Variants in SMYD3 observed in about 807,000 individuals in gnomAD.
SMYD3 encodes the protein SET and MYND domain containing 3.
SMYD3 carries 36 observed loss-of-function variants against 57.7 expected under a neutral mutation model. The ratio of observed to expected loss-of-function variants is 0.62; its 90% CI spans 0.48 to 0.82. The LOEUF (loss-of-function observed/expected upper bound fraction) is 0.82, where lower values mean the gene tolerates loss of function less well. SMYD3 is among the 40% of genes least tolerant of loss of function. The pLI, the probability that SMYD3 is intolerant of heterozygous loss-of-function variation, is 0.00. For synonymous variants in SMYD3, 211 were observed against 195.0 expected, an observed-to-expected ratio of 1.08 and a Z score of -0.68; for missense variants, 515 against 538.8, an observed-to-expected ratio of 0.96 and a Z score of 0.44.
At chr1:246,418,604 T>A (rs1490111190) in intron 1 of SMYD3, among the ~76,000 whole-genome samples, 1 of 152,190 alleles carries the variant, frequency 6.6e-6, no homozygotes, top group Non-Finnish European at 1.5e-5. Context: ...AAGAATCAGA[T>A]CACATGTAGG....
At chr1:246,401,965 GC>G (rs2102969611) in intron 1 of SMYD3, among the ~76,000 whole-genome samples, 1 of 152,194 alleles carries the variant, frequency 6.6e-6, no homozygotes, top group East Asian at 1.9e-4. Flanking sequence ...CAGGTGATCC[GC>G]CCATCCCAGC....
At chr1:245,847,386 ACT>A (rs1229158311) in intron 10 of SMYD3, among the ~76,000 whole-genome samples, 1 of 152,024 alleles carries the variant, frequency 6.6e-6, no homozygotes, top group Non-Finnish European at 1.5e-5. Flanking sequence ...GTTTCTGAAA[ACT>A]CTATATGAAC....
intron 5 of SMYD3, among the ~76,000 whole-genome samples, chr1:246,079,898 T>A (rs34626667): frequency 6.6e-6 from 1 of 152,040 alleles, no homozygotes. Flanking sequence ...CTCTAATAAC[T>A]CACGATAGAG....
At chr1:245,870,690 G>A (rs2052138353) in intron 8 of SMYD3, among the ~76,000 whole-genome samples, 1 of 152,226 alleles carries the variant, frequency 6.6e-6, no homozygotes, top group Non-Finnish European at 1.5e-5. Flanking sequence ...CTTCCTTTGG[G>A]TTTCGGAGTG....
At position 246,507,249 on chromosome 1, in the gene SMYD3, C is replaced by A. The variant is rs1457485526; in HGVS notation, c.-32G>T. ...GCAGCTCCGGCACCTCAGACGGCTACCCGCGTCCAGCAGCGGGCGTCTCAC... is the reference window on the plus strand; with the variant it reads ...GCAGCTCCGGCACCTCAGACGGCTAACCGCGTCCAGCAGCGGGCGTCTCAC... On this transcript the variant is annotated 5_prime_UTR_variant, in exon 1 of 12. Transcript: ENST00000490107. 4.1e-6 allele frequency: 6 copies of A among 1,471,140 alleles called. No individual in the cohort carries two copies. In the Admixed American group the frequency reaches 9.5e-5, roughly 23 times the overall value. The allele number at this position is 1,471,140 out of a possible 1,614,324, so 91.1% of individuals were successfully genotyped here.
At chr1:246,216,366 G>A (rs888181900) in intron 5 of SMYD3, among the ~76,000 whole-genome samples, 8 of 151,374 alleles carry the variant, frequency 5.3e-5, no homozygotes, top group African/African-American at 1.9e-4. Flanking sequence ...ACAATATGGT[G>A]ACCCCAACAA....
chr1:246,476,008 T>C (rs1433979595), intron 1 of SMYD3, among the ~76,000 whole-genome samples: 1 of 152,330 alleles, frequency 6.6e-6, no homozygotes, highest in Non-Finnish European at 1.5e-5. Context: ...CTATGACAGG[T>C]AATATAGAAA....
chr1:246,263,208 A>T (rs1014619277), intron 5 of SMYD3, among the ~76,000 whole-genome samples: 2 of 152,174 alleles, frequency 1.3e-5, no homozygotes, highest in Non-Finnish European at 1.5e-5. Flanking sequence ...TAGCTCTGCC[A>T]TTTACTAGCT....
intron 1 of SMYD3, among the ~76,000 whole-genome samples, chr1:246,448,303 C>T (rs554972751): frequency 1.2e-4 from 19 of 152,344 alleles, no homozygotes; most frequent in Admixed American, 7.2e-4. Context: ...TGAGAACCAA[C>T]GCACAGAGAC....
At chr1:246,350,684 G>A (rs1159505300) in intron 2 of SMYD3, among the ~76,000 whole-genome samples, 3 of 152,046 alleles carry the variant, frequency 2.0e-5, no homozygotes, top group South Asian at 2.1e-4. Flanking sequence ...CACCAGAGAC[G>A]CCTGTGCAAC....
intron 5 of SMYD3, among the ~76,000 whole-genome samples, chr1:246,292,434 A>C (rs1196653347): frequency 1.3e-5 from 2 of 152,206 alleles, no homozygotes; most frequent in Non-Finnish European, 2.9e-5. Context: ...CCAGTACCTT[A>C]GACTTACTAT....
chr1:246,055,365 AG>A (rs1256296438), intron 5 of SMYD3, among the ~76,000 whole-genome samples: 3 of 152,178 alleles, frequency 2.0e-5, no homozygotes, highest in Non-Finnish European at 4.4e-5. Flanking sequence ...CTGCAGGCTG[AG>A]GCAGGAGACT....
At chr1:246,206,413 A>G (rs2063000461) in intron 5 of SMYD3, among the ~76,000 whole-genome samples, 1 of 152,116 alleles carries the variant, frequency 6.6e-6, no homozygotes, top group Non-Finnish European at 1.5e-5. Flanking sequence ...CTTGTAATAA[A>G]GAGGTATTTA....
intron 1 of SMYD3, among the ~76,000 whole-genome samples, chr1:246,446,524 A>G (rs2067553138): frequency 6.6e-6 from 1 of 152,220 alleles, no homozygotes; most frequent in African/African-American, 2.4e-5. Context: ...GAGATATTAG[A>G]GGTGCTGTTT....
chr1:246,253,297 T>C (rs554344345), intron 5 of SMYD3, among the ~76,000 whole-genome samples: 1 of 152,322 alleles, frequency 6.6e-6, no homozygotes, highest in East Asian at 1.9e-4. Context: ...CAGTCCTCAG[T>C]TTCTGCTGTT....
At chr1:246,250,579 A>G (rs2063782927) in intron 5 of SMYD3, among the ~76,000 whole-genome samples, 1 of 152,226 alleles carries the variant, frequency 6.6e-6, no homozygotes, top group Non-Finnish European at 1.5e-5. Context: ...AACACTGCCA[A>G]AATGGTAGCA....
rs558480037 is a variant in SMYD3 at position 245,964,077 on chromosome 1, C to T, written c.532-34140G>A. 5.9e-5 allele frequency among the ~76,000 whole-genome samples: 9 copies of T among 152,170 alleles called. No homozygotes were observed. The East Asian group carries it at 1.4e-3, about 23-fold the overall frequency. On this transcript the variant is annotated intron_variant, in intron 5 of 11. Coordinates refer to ENST00000490107, the MANE Select transcript of SMYD3 (RefSeq NM_001167740.2). The stretch of plus-strand genomic sequence containing the variant: ...TGTAGGCGTCTGCTTCTGATGAGGG[C>T]CTCAGGAAGTTCACCATCATGGCAG...
intron 5 of SMYD3, among the ~76,000 whole-genome samples, chr1:246,070,321 G>C (rs1055284328): frequency 6.6e-6 from 1 of 152,100 alleles, no homozygotes; most frequent in African/African-American, 2.4e-5. Context: ...AAGAGAAAGT[G>C]GTATCTAATA....
chr1:246,209,276 T>C (rs963750565), intron 5 of SMYD3, among the ~76,000 whole-genome samples: 2 of 151,776 alleles, frequency 1.3e-5, no homozygotes, highest in African/African-American at 2.4e-5. Context: ...CAATTTGAAA[T>C]GTAAAAGCCA....
Sources: gnomAD v4.1 joint callset for allele counts (sites outside exome capture counted in the v4.1 genomes callset) on GRCh38, gnomAD v4.1.1 for gene constraint, MANE v1.5 for transcripts, NCBI Gene and HGNC (gene_info 2026-07-23, HGNC 2026-07-21) for gene names.